CRADD: variants seen among roughly 807,000 people sequenced by gnomAD.
CRADD encodes the protein CARD and death domain containing adaptor protein, also known as death domain-containing protein CRADD.
Under a neutral mutation model 15.5 loss-of-function variants are expected in CRADD, and 9 were observed. That is an observed-to-expected ratio of 0.58 (90% CI 0.35 to 1.01). The LOEUF (loss-of-function observed/expected upper bound fraction) is 1.01, where lower values mean the gene tolerates loss of function less well. Among genes scored for constraint, CRADD ranks in the 50% least tolerant of loss-of-function variants. CRADD has a pLI of 0.02. For synonymous variants in CRADD, 118 were observed against 107.6 expected, an observed-to-expected ratio of 1.10 and a Z score of -0.60; for missense variants, 227 against 250.3, an observed-to-expected ratio of 0.91 and a Z score of 0.63.
rs550942177 is a variant in CRADD, at chr12:93,694,412, A to C, written c.298+15340A>C. 1.2e-4 allele frequency among the ~76,000 whole-genome samples: 18 copies of C among 152,290 alleles called. No individual in the cohort carries two copies. In the South Asian group the frequency reaches 3.5e-3, roughly 30 times the overall value. On this transcript the variant is annotated intron_variant, in intron 2 of 2. Coordinates refer to ENST00000332896, the MANE Select transcript of CRADD (RefSeq NM_003805.5). ...GCTTTTTCTTTTAAGATCAGGAACA[A>C]GAGAAGGATGCCCACTCTCACCACT...
At position 93,771,771 on chromosome 12, in the gene CRADD, A is replaced by G. The variant is rs181094012; in HGVS notation, c.299-78199A>G. Among the ~76,000 whole-genome samples the G allele has an allele frequency of 4.9e-4, 75 of 152,324 alleles. 1 individual carries two copies. The highest frequency in any genetic ancestry group is 1.7e-3 in the African/African-American group (71 of 41,582). On this transcript the variant is annotated intron_variant, in intron 2 of 2. Coordinates refer to ENST00000332896, the MANE Select transcript of CRADD (RefSeq NM_003805.5). Reference sequence around the variant, plus strand: ...GAAGAACATAGAAATTAGATCCAGAAAACTGGGTTCTAGACATGACCTCAC... The same window carrying G: ...GAAGAACATAGAAATTAGATCCAGAGAACTGGGTTCTAGACATGACCTCAC...
chr12:93,783,552 G>T (rs2136975263), intron 2 of CRADD, among the ~76,000 whole-genome samples: 1 of 152,186 alleles, frequency 6.6e-6, no homozygotes, highest in Non-Finnish European at 1.5e-5. Context: ...CAATTACAAA[G>T]ATTTCATCAA....
At chr12:93,857,346 G>A (rs578153524) in intron 2 of CRADD, among the ~76,000 whole-genome samples, 29 of 152,194 alleles carry the variant, frequency 1.9e-4, no homozygotes, top group Admixed American at 3.3e-4. Flanking sequence ...GCTTCTAGAA[G>A]ATGAATCAAT....
chr12:93,789,867 AAC>A (rs774777305), intron 2 of CRADD, among the ~76,000 whole-genome samples: 27 of 152,324 alleles, frequency 1.8e-4, no homozygotes, highest in South Asian at 1.0e-3. Context: ...AGGAAAATCA[AAC>A]ACAGTCTAAG....
intron 2 of CRADD, among the ~76,000 whole-genome samples, chr12:93,830,693 G>A (rs1487129458): frequency 6.6e-6 from 1 of 152,148 alleles, no homozygotes; most frequent in African/African-American, 2.4e-5. Flanking sequence ...ATACTTGCTA[G>A]GATAATCATC....
chr12:93,841,511 C>G lies in CRADD; in HGVS notation c.299-8459C>G, dbSNP rs538638140. Among the ~76,000 whole-genome samples, 26 of 152,280 alleles carry G rather than the reference C, an allele frequency of 1.7e-4. 1 individual carries two copies. Among genetic ancestry groups the G allele is most frequent in the Non-Finnish European group, 2.2e-4 (15 of 68,014 alleles). On this transcript the variant is annotated intron_variant, in intron 2 of 2. Coordinates refer to ENST00000332896, the MANE Select transcript of CRADD (RefSeq NM_003805.5). ...TGTAAAGCCATCTGGGCCTAGGGCT[C>G]TTTGTCAAGGGAGGGCTTTGTTTGC...
chr12:93,799,363 A>G (rs1405400030), intron 2 of CRADD, among the ~76,000 whole-genome samples: 1 of 152,178 alleles, frequency 6.6e-6, no homozygotes, highest in Non-Finnish European at 1.5e-5. Context: ...TTTATATTGT[A>G]ACCCAGCACA....
intron 2 of CRADD, among the ~76,000 whole-genome samples, chr12:93,858,281 T>C (rs558572246): frequency 8.5e-5 from 13 of 152,312 alleles, no homozygotes; most frequent in Non-Finnish European, 1.5e-4. Flanking sequence ...TAGTAAGAAA[T>C]ATCTCAAAGA....
intron 2 of CRADD, among the ~76,000 whole-genome samples, chr12:93,705,166 C>T (rs1454635499): frequency 1.3e-5 from 2 of 152,184 alleles, no homozygotes; most frequent in African/African-American, 4.8e-5. Context: ...ATCCTGCATC[C>T]CCAGACCCCA....
At chr12:93,816,808 TACCATC>T (rs1957704892) in intron 2 of CRADD, among the ~76,000 whole-genome samples, 1 of 152,158 alleles carries the variant, frequency 6.6e-6, no homozygotes, top group African/African-American at 2.4e-5. Context: ...AGGTGGAGTT[TACCATC>T]ACCTACTCCC....
At chr12:93,872,518 T>C in intron 2 of CRADD, among the ~76,000 whole-genome samples, 1 of 152,152 alleles carries the variant, frequency 6.6e-6, no homozygotes, top group East Asian at 1.9e-4. Context: ...TGTTTTCTTG[T>C]AGTAGAAAAC....
intron 2 of CRADD, among the ~76,000 whole-genome samples, chr12:93,707,285 C>T (rs1479283106): frequency 6.6e-6 from 1 of 152,190 alleles, no homozygotes; most frequent in Admixed American, 6.5e-5. Context: ...TAATAAACCA[C>T]TCCAAAACTT....
intron 2 of CRADD, among the ~76,000 whole-genome samples, chr12:93,882,420 C>CAAA (rs564407219): frequency 6.1e-5 from 4 of 65,648 alleles, no homozygotes; most frequent in South Asian, 5.1e-4. Context: ...GACTCTGTCT[C>CAAA]AAAAAAAAAA....
chr12:93,744,297 T>G (rs1335532279), intron 2 of CRADD, among the ~76,000 whole-genome samples: 1 of 152,200 alleles, frequency 6.6e-6, no homozygotes, highest in Non-Finnish European at 1.5e-5. Flanking sequence ...GGGGGCCCAG[T>G]TGCCTTTCTT....
At chr12:93,753,698 A>G (rs1956855999) in intron 2 of CRADD, among the ~76,000 whole-genome samples, 1 of 152,130 alleles carries the variant, frequency 6.6e-6, no homozygotes, top group Non-Finnish European at 1.5e-5. Flanking sequence ...ATCTCCTTTG[A>G]CTCCATGTCT....
chr12:93,891,243 C>T (rs1020811311), intron 2 of CRADD, among the ~76,000 whole-genome samples: 2 of 151,820 alleles, frequency 1.3e-5, no homozygotes, highest in African/African-American at 2.4e-5. Context: ...AATCCCAGCA[C>T]TTTGGGAGGC....
intron 2 of CRADD, among the ~76,000 whole-genome samples, chr12:93,829,983 C>T (rs958680479): frequency 6.6e-6 from 1 of 152,146 alleles, no homozygotes; most frequent in Non-Finnish European, 1.5e-5. Flanking sequence ...TCAGCCACCA[C>T]GCCCGGCGGT....
chr12:93,746,200 A>AT (rs996654005), intron 2 of CRADD, among the ~76,000 whole-genome samples: 2 of 152,196 alleles, frequency 1.3e-5, no homozygotes, highest in African/African-American at 4.8e-5. Flanking sequence ...GAAGATTGGG[A>AT]TTTTCCCTTG....
At chr12:93,782,594 G>T (rs1315513047) in intron 2 of CRADD, among the ~76,000 whole-genome samples, 2 of 115,048 alleles carry the variant, frequency 1.7e-5, no homozygotes, top group Admixed American at 1.9e-4. Context: ...TCCGTCTCAG[G>T]AAAAAAAAAA....
Sources: allele counts gnomAD v4.1 joint callset (sites outside exome capture counted in the v4.1 genomes callset), GRCh38; gene constraint gnomAD v4.1.1; transcripts MANE v1.5; gene names NCBI Gene and HGNC (gene_info 2026-07-23, HGNC 2026-07-21).